The following WLS variants were observed in gnomAD, a reference collection of about 807,000 sequenced individuals.
WLS encodes the protein protein wntless homolog.
A neutral mutation model predicts 62.8 loss-of-function variants in WLS; 23 were observed. The ratio of observed to expected loss-of-function variants is 0.37; its 90% CI spans 0.26 to 0.52. The LOEUF (loss-of-function observed/expected upper bound fraction) is 0.52, where lower values mean the gene tolerates loss of function less well. Among genes scored for constraint, WLS ranks in the 20% least tolerant of loss-of-function variants. The pLI is 0.92. For synonymous variants in WLS, 246 were observed against 244.1 expected (o/e 1.01, Z -0.07); for missense variants, 615 against 697.3 (o/e 0.88, Z 1.33).
chr1:68,212,416 T>G (rs2100647853), intron 1 of WLS, among the ~76,000 whole-genome samples: 1 of 152,250 alleles, frequency 6.6e-6, no homozygotes, highest in Middle Eastern at 3.4e-3. Flanking sequence ...GAACAAAGGG[T>G]TTTAAAAGAA....
At chr1:68,205,836 G>A (rs973526752) in intron 1 of WLS, among the ~76,000 whole-genome samples, 3 of 152,182 alleles carry the variant, frequency 2.0e-5, no homozygotes, top group Non-Finnish European at 2.9e-5. Context: ...TCTGCTGCAC[G>A]TATGTACTAT....
chr1:68,199,301 G>A (rs1648863277), intron 1 of WLS, among the ~76,000 whole-genome samples: 6 of 152,194 alleles, frequency 3.9e-5, no homozygotes, highest in Admixed American at 3.3e-4. Flanking sequence ...ACAGGCTAGT[G>A]TGGGAGGCTG....
chr1:68,142,659 G>C (rs1646701291), intron 10 of WLS: 1 of 152,228 alleles, frequency 6.6e-6, no homozygotes, highest in Non-Finnish European at 1.5e-5. Flanking sequence ...AAACACAGCA[G>C]TGTTGTAGGT....
At chr1:68,210,135 T>C (rs1257990512) in intron 1 of WLS, among the ~76,000 whole-genome samples, 1 of 152,186 alleles carries the variant, frequency 6.6e-6, no homozygotes, top group East Asian at 1.9e-4. Flanking sequence ...ATTTTTGAAT[T>C]ATGAATTTTC....
intron 1 of WLS, chr1:68,202,650 GTT>G (rs1649086383): frequency 6.6e-6 from 1 of 152,254 alleles, no homozygotes; most frequent in Non-Finnish European, 1.5e-5. Flanking sequence ...TCTGGGCTAA[GTT>G]TTGACTTTGG....
intron 1 of WLS, among the ~76,000 whole-genome samples, chr1:68,231,392 G>A (rs532039903): frequency 2.6e-5 from 4 of 152,252 alleles, no homozygotes; most frequent in South Asian, 2.1e-4. Context: ...AAAAGAGGAC[G>A]GGGACATTCA....
chr1:68,223,977 CTTA>C (rs1161844708), intron 1 of WLS, among the ~76,000 whole-genome samples: 3 of 152,218 alleles, frequency 2.0e-5, no homozygotes, highest in Non-Finnish European at 2.9e-5. Flanking sequence ...CATTTACAGA[CTTA>C]TTATCTTCTT....
chr1:68,102,548 A>C (rs1646092876), intron 11 of WLS: 1 of 152,198 alleles, frequency 6.6e-6, no homozygotes, highest in Non-Finnish European at 1.5e-5. Context: ...ATCATTTTGA[A>C]GGTCATCTGA....
At chr1:68,212,595 A>G (rs182006937) in intron 1 of WLS, among the ~76,000 whole-genome samples, 413 of 152,316 alleles carry the variant, frequency 2.7e-3, no homozygotes, top group Non-Finnish European at 4.5e-3. Flanking sequence ...TGCCTGGTAC[A>G]TACTAAGTAC....
chr1:68,116,763 AGTT>A (rs1326389350), intron 11 of WLS, among the ~76,000 whole-genome samples: 3 of 152,188 alleles, frequency 2.0e-5, no homozygotes, highest in South Asian at 4.1e-4. Flanking sequence ...CTCTATAAAC[AGTT>A]GTTGGGTGAA....
intron 2 of WLS, among the ~76,000 whole-genome samples, chr1:68,181,123 C>T (rs561996933): frequency 6.6e-6 from 1 of 152,040 alleles, no homozygotes; most frequent in Non-Finnish European, 1.5e-5. Flanking sequence ...ATCTTAACTT[C>T]ATTTTTTTAA....
At chr1:68,201,788 G>A (rs1649032102) in intron 1 of WLS, among the ~76,000 whole-genome samples, 1 of 152,054 alleles carries the variant, frequency 6.6e-6, no homozygotes, top group South Asian at 2.1e-4. Context: ...TAGCAGAGTT[G>A]AATGCAAAAT....
At chr1:68,228,903 T>G (rs1338080608) in intron 1 of WLS, among the ~76,000 whole-genome samples, 42 of 148,172 alleles carry the variant, frequency 2.8e-4, no homozygotes, top group African/African-American at 8.4e-4. Context: ...TTTTGTTTTT[T>G]TTTTTTTTTG....
At chr1:68,137,963 G>T in intron 10 of WLS, 30 bp from the exon 11 acceptor site, 1 of 1,611,578 alleles carries the variant, frequency 6.2e-7, no homozygotes, top group South Asian at 1.1e-5. Context: ...ATATTCAATT[G>T]AAACAGAGAA....
intron 1 of WLS, among the ~76,000 whole-genome samples, chr1:68,213,183 G>A (rs1649584499): frequency 6.6e-6 from 1 of 152,146 alleles, no homozygotes; most frequent in African/African-American, 2.4e-5. Context: ...GGGCGTGGTG[G>A]CTCATGTCTG....
At chr1:68,213,795 G>A (rs1488176766) in intron 1 of WLS, among the ~76,000 whole-genome samples, 4 of 152,078 alleles carry the variant, frequency 2.6e-5, no homozygotes, top group Non-Finnish European at 5.9e-5. Flanking sequence ...GTTGCTGGAG[G>A]GCAAAATCCA....
At chr1:68,152,083 C>T (rs1646834078) in intron 5 of WLS, among the ~76,000 whole-genome samples, 1 of 152,198 alleles carries the variant, frequency 6.6e-6, no homozygotes, top group African/African-American at 2.4e-5. Context: ...CTCACTGCTA[C>T]ATTTCCAGTC....
chr1:68,164,262 A>ATT (rs3053539), intron 2 of WLS, among the ~76,000 whole-genome samples: 26 of 148,304 alleles, frequency 1.8e-4, no homozygotes, highest in Middle Eastern at 6.9e-3. Flanking sequence ...AAGAGATTTC[A>ATT]TTTTTTTTTT....
rs1570952479 is a variant in WLS, at chr1:68,175,841, C to T, written c.380-16594G>A. Among the ~76,000 whole-genome samples, 3 of 152,164 alleles carry T rather than the reference C, an allele frequency of 2.0e-5. No individual in the cohort carries two copies. In the South Asian group the frequency reaches 6.2e-4, roughly 32 times the overall value. ...ACTATACAAGGAGAAAAGTAGATTT[C>T]AACAATGGTAACACCCCTAACCCGG... On this transcript the variant is annotated intron_variant, in intron 2 of 11. Transcript: ENST00000262348.
Sources: allele counts gnomAD v4.1 joint callset (sites outside exome capture counted in the v4.1 genomes callset), GRCh38; gene constraint gnomAD v4.1.1; transcripts MANE v1.5; gene names NCBI Gene and HGNC (gene_info 2026-07-23, HGNC 2026-07-21).